FAF1: variants seen among roughly 807,000 people sequenced by gnomAD.
FAF1 encodes the protein Fas associated factor 1, also known as FAS-associated factor 1.
In FAF1, 25 loss-of-function variants were observed where a neutral mutation model predicts 92.5. That is an observed-to-expected ratio of 0.27 (90% CI 0.20 to 0.38). FAF1 has a LOEUF of 0.38. FAF1 is among the 10% of genes least tolerant of loss of function. The probability of loss-of-function intolerance (pLI) is 1.00; values close to 1 mark genes in which losing one functional copy is unlikely to be tolerated. For missense variants in FAF1, 636 were observed against 793.3 expected, an observed-to-expected ratio of 0.80 and a Z score of 2.38; for synonymous variants, 234 against 273.2, an observed-to-expected ratio of 0.86 and a Z score of 1.42.
intron 8 of FAF1, among the ~76,000 whole-genome samples, chr1:50,607,676 A>G (rs953300475): frequency 6.6e-6 from 1 of 152,140 alleles, no homozygotes. Context: ...ACTCAGCTCA[A>G]TCTCTTTCTG....
At chr1:50,780,865 G>C (rs748855160) in intron 4 of FAF1, 70 of 469,154 alleles carry the variant, frequency 1.5e-4, no homozygotes, top group Non-Finnish European at 2.6e-4. Flanking sequence ...ACCTTCAGGA[G>C]GAGTCACAGA....
intron 12 of FAF1, among the ~76,000 whole-genome samples, chr1:50,573,122 T>A (rs1650529052): frequency 6.6e-6 from 1 of 151,958 alleles, no homozygotes; most frequent in South Asian, 2.1e-4. Flanking sequence ...TTTTTTTTTT[T>A]TGAGACAGAG....
chr1:50,942,484 G>A lies in FAF1; in HGVS notation c.45+17283C>T, dbSNP rs139431367. ...GAGGGAAAGGGAGGGGAAAGGGAAGGGAAGGGAATTAAATGTTCAGTAAAT... is the reference window on the plus strand; with the variant it reads ...GAGGGAAAGGGAGGGGAAAGGGAAGAGAAGGGAATTAAATGTTCAGTAAAT... On this transcript the variant is annotated intron_variant, in intron 1 of 18. Transcript: ENST00000396153. Among the ~76,000 whole-genome samples, 382 of 152,044 alleles carry A rather than the reference G, an allele frequency of 2.5e-3. 2 individuals are homozygous for A. Among genetic ancestry groups the A allele is most frequent in the Middle Eastern group, 0.024 (7 of 294 alleles).
intron 2 of FAF1, among the ~76,000 whole-genome samples, chr1:50,849,769 C>T (rs1173592692): frequency 6.6e-6 from 1 of 152,046 alleles, no homozygotes; most frequent in African/African-American, 2.4e-5. Context: ...ATGTTGGTAA[C>T]AACATAGCAT....
At chr1:50,801,213 C>T (rs778198920) in intron 3 of FAF1, among the ~76,000 whole-genome samples, 1 of 152,142 alleles carries the variant, frequency 6.6e-6, no homozygotes, top group Non-Finnish European at 1.5e-5. Flanking sequence ...TTATCATATA[C>T]TTGATTTAGA....
At chr1:50,821,575 T>C (rs1442135558) in intron 2 of FAF1, among the ~76,000 whole-genome samples, 2 of 152,204 alleles carry the variant, frequency 1.3e-5, no homozygotes, top group African/African-American at 4.8e-5. Flanking sequence ...AGAAAGCTAT[T>C]GTATACCAGC....
Position 50,848,704 on chromosome 1 carries a change from G to T in FAF1, c.114+9225C>A, listed in dbSNP as rs566110085. ...ATCACACCTGTGATATTCTTTCCAA[G>T]AATGCATAAACTCACTCTCTCATGA... On this transcript the variant is annotated intron_variant, in intron 2 of 18. Transcript: ENST00000396153. 2.6e-5 allele frequency among the ~76,000 whole-genome samples: 4 copies of T among 152,148 alleles called. No homozygotes were observed. In the South Asian group the frequency reaches 8.3e-4, roughly 32 times the overall value.
chr1:50,696,747 A>C (rs1321473524), intron 7 of FAF1, among the ~76,000 whole-genome samples: 1 of 152,078 alleles, frequency 6.6e-6, no homozygotes, highest in Non-Finnish European at 1.5e-5. Context: ...ATTCTTTTCC[A>C]AAGTACCTTC....
intron 15 of FAF1, among the ~76,000 whole-genome samples, chr1:50,512,650 T>C (rs1647151844): frequency 1.3e-5 from 2 of 152,182 alleles, no homozygotes; most frequent in South Asian, 2.1e-4. Context: ...TGTAGTATAG[T>C]TTGAAGTTCA....
intron 15 of FAF1, among the ~76,000 whole-genome samples, chr1:50,503,996 C>CTTTACATAGGTGTGGTTTA (rs1647024129): frequency 1.3e-5 from 2 of 152,168 alleles, no homozygotes; most frequent in African/African-American, 4.8e-5. Context: ...TATGTCAAAA[C>CTTTACATAGGTGTGGTTTA]TTGTCAAATT....
intron 8 of FAF1, among the ~76,000 whole-genome samples, chr1:50,611,073 C>A (rs1053224796): frequency 1.3e-5 from 2 of 152,178 alleles, no homozygotes; most frequent in African/African-American, 4.8e-5. Flanking sequence ...CAAGGCAGCA[C>A]CAGCAATTAC....
intron 4 of FAF1, among the ~76,000 whole-genome samples, chr1:50,746,267 TATATATATATATATATATATATATA>T (rs1278478868): frequency 0.036 from 729 of 20,060 alleles, 11 homozygotes; most frequent in African/African-American, 0.063. Flanking sequence ...TATATATATA[TATATATATATATATATATATATATA>T]TTTTTTTTTT....
intron 7 of FAF1, among the ~76,000 whole-genome samples, chr1:50,659,258 G>C (rs557814767): frequency 6.6e-6 from 1 of 151,828 alleles, no homozygotes; most frequent in East Asian, 1.9e-4. Context: ...AGGGGGAAGG[G>C]AAAGGGAGAA....
chr1:50,505,999 T>G (rs1647053616), intron 15 of FAF1, among the ~76,000 whole-genome samples: 1 of 152,188 alleles, frequency 6.6e-6, no homozygotes. Context: ...GTGTGAAAGA[T>G]TTAAAGTCAA....
At chr1:50,955,374 C>T (rs1233797823) in intron 1 of FAF1, among the ~76,000 whole-genome samples, 1 of 152,196 alleles carries the variant, frequency 6.6e-6, no homozygotes, top group Non-Finnish European at 1.5e-5. Context: ...TGGCTCTGGC[C>T]AGCAAGAACT....
intron 18 of FAF1, among the ~76,000 whole-genome samples, chr1:50,446,602 T>C (rs896858842): frequency 2.6e-5 from 4 of 152,198 alleles, no homozygotes; most frequent in African/African-American, 7.2e-5. Context: ...CTAAAAAGAA[T>C]AGCAGCAGCA....
chr1:50,562,888 A>G (rs1649994231), intron 13 of FAF1, among the ~76,000 whole-genome samples: 1 of 152,240 alleles, frequency 6.6e-6, no homozygotes, highest in Non-Finnish European at 1.5e-5. Flanking sequence ...TGTTGATTCA[A>G]CTAGCCAAGT....
At chr1:50,722,844 G>A (rs1658470964) in intron 6 of FAF1, among the ~76,000 whole-genome samples, 2 of 152,236 alleles carry the variant, frequency 1.3e-5, no homozygotes, top group Non-Finnish European at 2.9e-5. Flanking sequence ...TCTGAGTGAA[G>A]AAGCTAAGGC....
At position 50,554,400 on chromosome 1, in the gene FAF1, G is replaced by GAC. The variant is rs1553226291; in HGVS notation, c.1268+12676_1268+12677insGT. On this transcript the variant is annotated intron_variant, in intron 13 of 18. Coordinates refer to ENST00000396153, the MANE Select transcript of FAF1 (RefSeq NM_007051.3). ...ATATATATATATATATAGAGAGAGA[G>GAC]AGAGAGAGAGAGAGAGTCTTAAATT... Among the ~76,000 whole-genome samples the GAC allele has an allele frequency of 1.3e-4, 18 of 140,804 alleles. 1 individual carries two copies. Among genetic ancestry groups the GAC allele is most frequent in the African/African-American group, 4.7e-4 (18 of 38,204 alleles). 92.4% of individuals were successfully genotyped at this position (140,804 alleles called of 152,430 possible). A position where few individuals can be genotyped will look rare whatever the true frequency, so the allele number is the denominator to read the frequency against.
Sources: gnomAD v4.1 joint callset for allele counts (sites outside exome capture counted in the v4.1 genomes callset) on GRCh38, gnomAD v4.1.1 for gene constraint, MANE v1.5 for transcripts, NCBI Gene and HGNC (gene_info 2026-07-23, HGNC 2026-07-21) for gene names.